PRUNE2: variants seen among roughly 807,000 people sequenced by gnomAD.
The protein encoded by PRUNE2 is protein prune homolog 2.
A neutral mutation model predicts 252.0 loss-of-function variants in PRUNE2; 164 were observed. The observed-to-expected ratio is 0.65, with a 90% confidence interval of 0.57 to 0.74. PRUNE2 has a LOEUF of 0.74. PRUNE2 is among the 30% of genes least tolerant of loss of function. PRUNE2 has a pLI of 0.00. For missense variants in PRUNE2, 3,495 were observed against 3,711.0 expected, an observed-to-expected ratio of 0.94 and a Z score of 1.51; for synonymous variants, 1,292 against 1,350.2, an observed-to-expected ratio of 0.96 and a Z score of 0.94.
chr9:76,700,796 C>T (rs115140242), intron 9 of PRUNE2, among the ~76,000 whole-genome samples: 1,982 of 152,174 alleles, frequency 0.013, 41 homozygotes, highest in African/African-American at 0.043. Context: ...TAAAGGCGCC[C>T]GAAACAGATA....
At chr9:76,680,975 T>G (rs1235265104) in intron 9 of PRUNE2, among the ~76,000 whole-genome samples, 1 of 151,924 alleles carries the variant, frequency 6.6e-6, no homozygotes, top group Non-Finnish European at 1.5e-5. Flanking sequence ...CCCCAACACA[T>G]GGAGATTATA....
intron 9 of PRUNE2, among the ~76,000 whole-genome samples, chr9:76,658,139 AC>A (rs1563939717): frequency 6.6e-6 from 1 of 152,184 alleles, no homozygotes; most frequent in African/African-American, 2.4e-5. Context: ...CGGGTGGGTC[AC>A]CTGATATTGG....
chr9:76,850,775 C>T (rs1445209505), intron 2 of PRUNE2, 110 bp from the exon 3 acceptor site: 4 of 751,806 alleles, frequency 5.3e-6, no homozygotes, highest in Non-Finnish European at 8.9e-6. Context: ...GTCTTCTGGC[C>T]TCACTAAACC....
At chr9:76,859,049 G>A (rs180906320) in intron 1 of PRUNE2, among the ~76,000 whole-genome samples, 230 of 152,212 alleles carry the variant, frequency 1.5e-3, no homozygotes, top group African/African-American at 5.1e-3. Context: ...TCAAAAGACA[G>A]GCAACCCTTT....
chr9:76,689,136 G>T (rs537890438), intron 9 of PRUNE2, among the ~76,000 whole-genome samples: 2 of 152,158 alleles, frequency 1.3e-5, no homozygotes, highest in East Asian at 3.9e-4. Flanking sequence ...CTAGAGTGAG[G>T]AGAGACTGCA....
intron 1 of PRUNE2, among the ~76,000 whole-genome samples, chr9:76,883,575 G>C (rs918612068): frequency 6.6e-6 from 1 of 152,176 alleles, no homozygotes; most frequent in Non-Finnish European, 1.5e-5. Flanking sequence ...TATGGCTCCT[G>C]AGTAGTTCAA....
chr9:76,630,256 A>T lies in PRUNE2; in HGVS notation c.9051-966T>A, dbSNP rs570687789. On this transcript the variant is annotated intron_variant, in intron 15 of 18. Transcript: ENST00000376718. ...CTTTTTTTTTTAGTTTATTTTAAAA[A>T]TTTTTGTTTTTTTTTTTTTAAAGTT... Among the ~76,000 whole-genome samples, 807 of 145,980 alleles carry T rather than the reference A, an allele frequency of 5.5e-3. 6 individuals carry two copies. Among genetic ancestry groups the T allele is most frequent in the African/African-American group, 0.02 (788 of 38,898 alleles).
At chr9:76,855,336 T>A (rs1235612692) in intron 1 of PRUNE2, among the ~76,000 whole-genome samples, 2 of 152,052 alleles carry the variant, frequency 1.3e-5, no homozygotes, top group Admixed American at 1.3e-4. Context: ...TCATCACTTG[T>A]TTTAACTTCT....
At chr9:76,691,845 G>A in intron 9 of PRUNE2, 1 of 530,290 alleles carries the variant, frequency 1.9e-6, no homozygotes, top group South Asian at 2.6e-5. Flanking sequence ...AAGGGGCGGG[G>A]ACAGCATAAC....
chr9:76,731,315 TATATATATA>T, intron 6 of PRUNE2, among the ~76,000 whole-genome samples: 1 of 110,056 alleles, frequency 9.1e-6, no homozygotes. Flanking sequence ...TCTATCTATA[TATATATATA>T]TTTTTTTTTT....
chr9:76,870,639 T>C (rs2061139701), intron 1 of PRUNE2, among the ~76,000 whole-genome samples: 3 of 151,000 alleles, frequency 2.0e-5, no homozygotes, highest in South Asian at 2.1e-4. Flanking sequence ...TGAGCCAATA[T>C]TGCGCCACTG....
At chr9:76,847,626 T>G (rs563118267) in intron 3 of PRUNE2, among the ~76,000 whole-genome samples, 1 of 152,300 alleles carries the variant, frequency 6.6e-6, no homozygotes, top group South Asian at 2.1e-4. Flanking sequence ...CTACTGGGCC[T>G]ATTTTCCTTC....
At chr9:76,704,659 T>C in intron 8 of PRUNE2, 102 bp downstream of exon 8, 1 of 850,578 alleles carries the variant, frequency 1.2e-6, no homozygotes, top group Non-Finnish European at 1.8e-6. Flanking sequence ...GTAGTTAGTT[T>C]TCTCTCTACC....
At chr9:76,874,302 G>A (rs111331846) in intron 1 of PRUNE2, among the ~76,000 whole-genome samples, 222 of 152,276 alleles carry the variant, frequency 1.5e-3, no homozygotes, top group African/African-American at 4.9e-3. Flanking sequence ...CAATAATAAT[G>A]ATATCCTGTG....
intron 6 of PRUNE2, among the ~76,000 whole-genome samples, chr9:76,792,278 C>T (rs2055625529): frequency 6.6e-6 from 1 of 152,170 alleles, no homozygotes; most frequent in South Asian, 2.1e-4. Flanking sequence ...TCTTGCCTGT[C>T]ACCATGTAAG....
At chr9:76,851,743 T>A (rs1589584032) in intron 2 of PRUNE2, among the ~76,000 whole-genome samples, 1 of 152,196 alleles carries the variant, frequency 6.6e-6, no homozygotes, top group East Asian at 1.9e-4. Flanking sequence ...ATTTCTTAAA[T>A]CATAAAAAAC....
Position 76,651,806 on chromosome 9 carries a change from G to A in PRUNE2, c.8557+677C>T, listed in dbSNP as rs562113230. 5.9e-5 allele frequency among the ~76,000 whole-genome samples: 9 copies of A among 152,210 alleles called. 1 individual carries two copies. In the South Asian group the frequency reaches 1.2e-3, roughly 21 times the overall value. On this transcript the variant is annotated intron_variant, in intron 11 of 18. Transcript: ENST00000376718. ...CCTTCCTTCCCACTTTATTGGAGAC[G>A]CAGGATCAAATATAAAGTCCTTGCT...
chr9:76,724,090 C>T (rs1355894408), intron 6 of PRUNE2, among the ~76,000 whole-genome samples: 2 of 150,782 alleles, frequency 1.3e-5, no homozygotes, highest in Non-Finnish European at 3.0e-5. Context: ...CCACCGCACC[C>T]GGCCAGCATA....
intron 4 of PRUNE2, among the ~76,000 whole-genome samples, chr9:76,834,549 T>C (rs1039690369): frequency 6.6e-6 from 1 of 152,176 alleles, no homozygotes; most frequent in Admixed American, 6.5e-5. Context: ...GATTTGGGGA[T>C]CTTATTTTTT....
Sources: gnomAD v4.1 joint callset for allele counts (sites outside exome capture counted in the v4.1 genomes callset) on GRCh38, gnomAD v4.1.1 for gene constraint, MANE v1.5 for transcripts, NCBI Gene and HGNC (gene_info 2026-07-23, HGNC 2026-07-21) for gene names.